APPBP2: variants seen among roughly 807,000 people sequenced by gnomAD.
APPBP2 encodes amyloid protein-binding protein 2.
Under a neutral mutation model 76.0 loss-of-function variants are expected in APPBP2, and 15 were observed. That is an observed-to-expected ratio of 0.20 (90% CI 0.13 to 0.30). APPBP2 has a LOEUF of 0.30. Among genes scored for constraint, APPBP2 ranks in the 10% least tolerant of loss-of-function variants. The pLI, the probability that APPBP2 is intolerant of heterozygous loss-of-function variation, is 1.00. For synonymous variants in APPBP2, 222 were observed against 242.2 expected (o/e 0.92, Z 0.77); for missense variants, 401 against 687.2 (o/e 0.58, Z 4.66).
chr17:60,462,974 C>A (rs570469808), intron 6 of APPBP2, among the ~76,000 whole-genome samples: 155 of 149,038 alleles, frequency 1.0e-3, no homozygotes, highest in African/African-American at 3.7e-3. Context: ...GAAAAAAAAA[C>A]CCAGAAATAT....
intron 4 of APPBP2, among the ~76,000 whole-genome samples, chr17:60,472,422 TTA>T (rs2090560240): frequency 6.6e-6 from 1 of 152,226 alleles, no homozygotes; most frequent in Non-Finnish European, 1.5e-5. Context: ...TCCATTTTAT[TTA>T]TGTTATCTAA....
In APPBP2 at chr17:60,458,400, C is replaced by T. The variant is rs189067539; in HGVS notation, c.1062-2019G>A. 2.0e-5 allele frequency among the ~76,000 whole-genome samples: 3 copies of T among 151,906 alleles called. No individual in the cohort carries two copies. In the East Asian group the frequency reaches 5.8e-4, roughly 29 times the overall value. On this transcript the variant is annotated intron_variant, in intron 9 of 12. Coordinates refer to ENST00000083182, the MANE Select transcript of APPBP2 (RefSeq NM_006380.5). ...AGTCAGCCGAGATCACGCCACTGCA[C>T]TCCAGCCTGGGCGACAGAGTGACAG...
intron 1 of APPBP2, among the ~76,000 whole-genome samples, chr17:60,515,692 C>T (rs1211356266): frequency 1.3e-5 from 2 of 152,210 alleles, no homozygotes; most frequent in Non-Finnish European, 2.9e-5. Context: ...AAACTGTGCA[C>T]CAAGGTGCCC....
At position 60,445,252 on chromosome 17, in the gene APPBP2, TCAAAAAAACACAACTGGCTG is replaced by T. The variant is rs2090336500; in HGVS notation, c.*2309_*2328del. ...AGGAGAAACTGCCAATAATGATGTT[TCAAAAAAACACAACTGGCTG>T]CCAATTGACATTATCACCCTGTGAT... On this transcript the variant is annotated 3_prime_UTR_variant, in exon 13 of 13. Coordinates refer to ENST00000083182, the MANE Select transcript of APPBP2 (RefSeq NM_006380.5). 1 of 152,604 alleles carries T rather than the reference TCAAAAAAACACAACTGGCTG, an allele frequency of 6.6e-6. No individual in the cohort carries two copies. The highest frequency in any genetic ancestry group is 2.4e-5 in the African/African-American group (1 of 41,432). The allele number at this position is 152,604 out of a possible 1,614,324, so 9.5% of individuals were successfully genotyped here. A position where few individuals can be genotyped will look rare whatever the true frequency, so the allele number is the denominator to read the frequency against.
intron 11 of APPBP2, among the ~76,000 whole-genome samples, chr17:60,452,800 G>A (rs1172919179): frequency 6.6e-6 from 1 of 152,114 alleles, no homozygotes; most frequent in Non-Finnish European, 1.5e-5. Context: ...CAGTGTGGTG[G>A]TGTGCGCCTG....
At chr17:60,465,871 T>G (rs975334858) in intron 5 of APPBP2, among the ~76,000 whole-genome samples, 1 of 152,230 alleles carries the variant, frequency 6.6e-6, no homozygotes, top group Non-Finnish European at 1.5e-5. Context: ...GGTCTCACTC[T>G]GTCACTCAGG....
intron 1 of APPBP2, among the ~76,000 whole-genome samples, chr17:60,516,205 G>A (rs939942111): frequency 6.6e-6 from 1 of 151,972 alleles, no homozygotes; most frequent in Admixed American, 6.6e-5. Flanking sequence ...AAAACCAGAT[G>A]AGAGTGGTGG....
chr17:60,449,210 C>G (rs1397870308), intron 12 of APPBP2, among the ~76,000 whole-genome samples: 3 of 152,018 alleles, frequency 2.0e-5, no homozygotes, highest in South Asian at 2.1e-4. Context: ...GAGGAATGAG[C>G]AAGTCAGTCA....
chr17:60,475,657 A>ACACACACG (rs1390805912), intron 4 of APPBP2, among the ~76,000 whole-genome samples: 7 of 142,616 alleles, frequency 4.9e-5, no homozygotes, highest in African/African-American at 1.9e-4. Flanking sequence ...ATACACACAC[A>ACACACACG]CACACACACA....
intron 9 of APPBP2, chr17:60,460,343 C>A (rs7208416): frequency 0.075 from 12,632 of 169,120 alleles, 1,687 homozygotes; most frequent in African/African-American, 0.28. Flanking sequence ...GGACCACAGG[C>A]ATGCACCAAA....
In APPBP2 at chr17:60,466,438, T is replaced by C; in HGVS notation, c.525A>G (p.Gly175=). ...CCVRLLHVRN[G]NCKYHLGEET... is the part of the protein sequence containing the mutation. ...CTTCACCCAAATGATATTTGCAGTT[T>C]CCATTTCGCACATGAAGCAACCTAT... is the stretch of plus-strand genomic sequence containing the variant. Residue 175 remains glycine, a synonymous_variant, in exon 5 of 13, where the codon GGA becomes GGG. Transcript: ENST00000083182. 1 of 1,612,934 alleles carries C rather than the reference T, an allele frequency of 6.2e-7. No homozygotes were observed.
Position 60,466,477 on chromosome 17 carries a change from C to T in APPBP2, c.504-18G>A. ...GAAGCAACCTATAAAACACCAATAA[C>T]ATTGCTCTATTTTTGATATTTTCAG... On this transcript the variant is annotated intron_variant, in intron 4 of 12. Coordinates refer to ENST00000083182, the MANE Select transcript of APPBP2 (RefSeq NM_006380.5). The T allele has an allele frequency of 6.2e-7, 1 of 1,605,768 alleles. No individual in the cohort carries two copies. The highest frequency in any genetic ancestry group is 8.5e-7 in the Non-Finnish European group (1 of 1,178,138).
chr17:60,452,113 C>A, intron 11 of APPBP2, 68 bp from the exon 12 acceptor site: 1 of 1,444,164 alleles, frequency 6.9e-7, no homozygotes, highest in Non-Finnish European at 9.6e-7. Context: ...ACTCAATGAG[C>A]AAAACTGATC....
At chr17:60,505,070 T>C (rs990797018) in intron 1 of APPBP2, among the ~76,000 whole-genome samples, 1 of 152,228 alleles carries the variant, frequency 6.6e-6, no homozygotes, top group African/African-American at 2.4e-5. Context: ...ACATTATATA[T>C]GCATCCATAT....
chr17:60,456,181 A>C, intron 10 of APPBP2, 115 bp downstream of exon 10: 1 of 725,780 alleles, frequency 1.4e-6, no homozygotes, highest in Non-Finnish European at 2.3e-6. Flanking sequence ...ATACATAGAC[A>C]CCGTCAAATC....
chr17:60,451,476 T>A (rs116256567), intron 12 of APPBP2, among the ~76,000 whole-genome samples: 2,599 of 152,156 alleles, frequency 0.017, 74 homozygotes, highest in African/African-American at 0.058. Context: ...TTTTATTTTA[T>A]TTTATTTATT....
chr17:60,443,167 A>C lies in APPBP2; in HGVS notation c.*4414T>G, dbSNP rs2090315955. 6.6e-6 allele frequency: 1 copy of C among 152,658 alleles called. No homozygotes were observed. Among genetic ancestry groups the C allele is most frequent in the African/African-American group, 2.4e-5 (1 of 41,470 alleles). 9.5% of individuals were successfully genotyped at this position (152,658 alleles called of 1,614,324 possible). ...ACAGATACACTATGAATGCAGGAAC[A>C]CTATATTTATTAGGTCAATAATTCA... On this transcript the variant is annotated 3_prime_UTR_variant, in exon 13 of 13. Transcript: ENST00000083182.
At chr17:60,524,475 G>C (rs557136863) in intron 1 of APPBP2, among the ~76,000 whole-genome samples, 2 of 152,146 alleles carry the variant, frequency 1.3e-5, no homozygotes, top group Non-Finnish European at 1.5e-5. Context: ...GCTTTTTCTC[G>C]AAATCCAAAA....
Position 60,447,538 on chromosome 17 carries a change from C to A in APPBP2, c.*43G>T. ...GGTTTTGATTTCACAGTATGAATTC[C>A]CTGGAATCCGGGAAAAGGTAATTGG... On this transcript the variant is annotated 3_prime_UTR_variant, in exon 13 of 13. Transcript: ENST00000083182. 1 of 1,555,458 alleles carries A rather than the reference C, an allele frequency of 6.4e-7. No individual in the cohort carries two copies. The highest frequency in any genetic ancestry group is 8.7e-7 in the Non-Finnish European group (1 of 1,152,670).
Sources: allele counts gnomAD v4.1 joint callset (sites outside exome capture counted in the v4.1 genomes callset), GRCh38; gene constraint gnomAD v4.1.1; transcripts MANE v1.5; gene names NCBI Gene and HGNC (gene_info 2026-07-23, HGNC 2026-07-21).